Variants in FMN2 observed in about 807,000 individuals in gnomAD.
FMN2 encodes the protein formin-2.
FMN2 carries 51 observed loss-of-function variants against 142.3 expected under a neutral mutation model. That is an observed-to-expected ratio of 0.36 (90% confidence interval 0.29 to 0.45). FMN2 has a LOEUF of 0.45. Among genes scored for constraint, FMN2 ranks in the 20% least tolerant of loss-of-function variants. The pLI, the probability that FMN2 is intolerant of heterozygous loss-of-function variation, is 1.00. For missense variants in FMN2, 1,936 were observed against 2,122.8 expected (o/e 0.91, Z 1.73); for synonymous variants, 882 against 869.8 (o/e 1.01, Z -0.25).
chr1:240,350,404 A>G (rs1319723910), intron 13 of FMN2, among the ~76,000 whole-genome samples: 1 of 152,210 alleles, frequency 6.6e-6, no homozygotes, highest in Admixed American at 6.5e-5. Context: ...TCTTTCATAC[A>G]GGGTCTTAGT....
intron 1 of FMN2, among the ~76,000 whole-genome samples, chr1:240,122,208 C>A (rs1196463613): frequency 2.6e-5 from 4 of 151,866 alleles, no homozygotes; most frequent in African/African-American, 9.7e-5. Context: ...CTGTCTCAGC[C>A]TCCTGAGTAG....
intron 3 of FMN2, among the ~76,000 whole-genome samples, chr1:240,184,057 C>G (rs1347544447): frequency 2.0e-5 from 3 of 151,950 alleles, no homozygotes; most frequent in African/African-American, 7.3e-5. Context: ...CGCTCATTGT[C>G]TTACTGTCTT....
chr1:240,325,225 C>A (rs1050742814), intron 8 of FMN2, among the ~76,000 whole-genome samples: 3 of 151,568 alleles, frequency 2.0e-5, no homozygotes, highest in Non-Finnish European at 2.9e-5. Context: ...GGAGGGTAGT[C>A]CCAACTTCTT....
intron 15 of FMN2, among the ~76,000 whole-genome samples, chr1:240,435,354 A>T (rs1178612739): frequency 6.6e-6 from 1 of 151,920 alleles, no homozygotes; most frequent in African/African-American, 2.4e-5. Context: ...AATTATCACT[A>T]GTATCAGAAG....
At chr1:240,253,163 G>T (rs1237934715) in intron 6 of FMN2, among the ~76,000 whole-genome samples, 1 of 151,520 alleles carries the variant, frequency 6.6e-6, no homozygotes, top group Non-Finnish European at 1.5e-5. Context: ...TAGAGATGGG[G>T]TTTTACCATG....
intron 14 of FMN2, among the ~76,000 whole-genome samples, chr1:240,364,584 G>A (rs1018548932): frequency 2.6e-5 from 4 of 152,116 alleles, no homozygotes; most frequent in African/African-American, 7.2e-5. Flanking sequence ...TTCTCTCTGA[G>A]GGTTAGATTT....
At chr1:240,348,929 G>A (rs966125634) in intron 13 of FMN2, among the ~76,000 whole-genome samples, 1 of 152,136 alleles carries the variant, frequency 6.6e-6, no homozygotes, top group Non-Finnish European at 1.5e-5. Context: ...CCAGTGTCCG[G>A]TCACTAGCTC....
intron 4 of FMN2, among the ~76,000 whole-genome samples, chr1:240,194,489 A>G (rs1456872245): frequency 2.0e-5 from 3 of 152,334 alleles, no homozygotes; most frequent in Admixed American, 6.5e-5. Context: ...GGGAGAATAA[A>G]GGAATAGGGA....
At position 240,329,061 on chromosome 1, in the gene FMN2, T is replaced by C. The variant is rs767561596; in HGVS notation, c.4216-15T>C. The C allele has an allele frequency of 2.5e-6, 4 of 1,610,738 alleles. No individual in the cohort carries two copies. In the South Asian group the frequency reaches 3.3e-5, roughly 13 times the overall value. Reference sequence around the variant, plus strand: ...GGCCAGACTTTGAAAAACTATTTGGTTTTTGTTTTTCTAGAGAGCACAGTC... The same window carrying C: ...GGCCAGACTTTGAAAAACTATTTGGCTTTTGTTTTTCTAGAGAGCACAGTC... On this transcript the variant is annotated splice_polypyrimidine_tract_variant and intron_variant, in intron 8 of 17. Coordinates refer to ENST00000319653, the MANE Select transcript of FMN2 (RefSeq NM_020066.5).
At chr1:240,158,059 A>G (rs572065461) in intron 2 of FMN2, among the ~76,000 whole-genome samples, 2 of 151,478 alleles carry the variant, frequency 1.3e-5, no homozygotes, top group East Asian at 3.9e-4. Flanking sequence ...GCCTTCCAGG[A>G]TTTAAAATTA....
Position 240,474,727 on chromosome 1 carries a change from G to A in FMN2, c.*573G>A, listed in dbSNP as rs1676918687. On this transcript the variant is annotated 3_prime_UTR_variant, in exon 18 of 18. Transcript: ENST00000319653. ...AAAGAAAATGGTCATTTTTTTTACTGAAGTCATATAATGACTTGGGTCAGC... is the reference window on the plus strand; with the variant it reads ...AAAGAAAATGGTCATTTTTTTTACTAAAGTCATATAATGACTTGGGTCAGC... 1 of 152,276 alleles carries A rather than the reference G, an allele frequency of 6.6e-6. No homozygotes were observed. Among genetic ancestry groups the A allele is most frequent in the Non-Finnish European group, 1.5e-5 (1 of 67,942 alleles). 9.4% of individuals were successfully genotyped at this position (152,276 alleles called of 1,614,324 possible). A position where few individuals can be genotyped will look rare whatever the true frequency, so the allele number is the denominator to read the frequency against.
At chr1:240,370,829 T>C (rs1672839707) in intron 14 of FMN2, among the ~76,000 whole-genome samples, 2 of 152,236 alleles carry the variant, frequency 1.3e-5, no homozygotes, top group African/African-American at 4.8e-5. Context: ...CTGGAAAAGA[T>C]TGAATAATGT....
intron 7 of FMN2, among the ~76,000 whole-genome samples, chr1:240,276,736 T>C (rs1669226316): frequency 6.6e-6 from 1 of 152,138 alleles, no homozygotes; most frequent in South Asian, 2.1e-4. Flanking sequence ...GTTTGTAAAA[T>C]ATCCTCAAGA....
At chr1:240,313,395 TATA>T (rs1194272254) in intron 8 of FMN2, among the ~76,000 whole-genome samples, 1 of 152,226 alleles carries the variant, frequency 6.6e-6, no homozygotes, top group African/African-American at 2.4e-5. Flanking sequence ...TGCAGTAATG[TATA>T]ATATTATATG....
intron 7 of FMN2, among the ~76,000 whole-genome samples, chr1:240,292,534 A>G (rs1327371231): frequency 6.6e-6 from 1 of 152,166 alleles, no homozygotes; most frequent in Non-Finnish European, 1.5e-5. Flanking sequence ...CCTGATGTAT[A>G]GGAAACACCT....
At chr1:240,172,356 A>G (rs1374053681) in intron 2 of FMN2, among the ~76,000 whole-genome samples, 3 of 152,210 alleles carry the variant, frequency 2.0e-5, no homozygotes, top group East Asian at 1.9e-4. Flanking sequence ...GAGCACAGAA[A>G]GATTTAGTGC....
chr1:240,332,189 G>T (rs1671400083), intron 11 of FMN2, among the ~76,000 whole-genome samples: 1 of 151,508 alleles, frequency 6.6e-6, no homozygotes, highest in Admixed American at 6.6e-5. Context: ...TTTTATAATT[G>T]TTCAAATGCT....
At chr1:240,328,167 A>AC (rs959668955) in intron 8 of FMN2, among the ~76,000 whole-genome samples, 1 of 141,076 alleles carries the variant, frequency 7.1e-6, no homozygotes, top group Admixed American at 7.0e-5. Context: ...AAAAAAAAAA[A>AC]AAAAAGAAAA....
chr1:240,160,647 G>A (rs1405947198), intron 2 of FMN2, among the ~76,000 whole-genome samples: 1 of 151,810 alleles, frequency 6.6e-6, no homozygotes, highest in Non-Finnish European at 1.5e-5. Flanking sequence ...GAAATCTACA[G>A]CAAATATCAT....
Sources: allele counts gnomAD v4.1 joint callset (sites outside exome capture counted in the v4.1 genomes callset), GRCh38; gene constraint gnomAD v4.1.1; transcripts MANE v1.5; gene names NCBI Gene and HGNC (gene_info 2026-07-23, HGNC 2026-07-21).